The following KCNN3 variants were observed in gnomAD, a reference collection of about 807,000 sequenced individuals.
KCNN3 encodes potassium calcium-activated channel subfamily N member 3, also known as small conductance calcium-activated potassium channel protein 3.
A neutral mutation model predicts 62.9 loss-of-function variants in KCNN3; 16 were observed. The observed-to-expected ratio is 0.25, with a 90% CI of 0.17 to 0.39. The LOEUF is 0.39. Among genes scored for constraint, KCNN3 ranks in the 10% least tolerant of loss-of-function variants. KCNN3 has a pLI of 1.00. For missense variants in KCNN3, 599 were observed against 949.4 expected, an observed-to-expected ratio of 0.63 and a Z score of 4.85; for synonymous variants, 370 against 389.2, an observed-to-expected ratio of 0.95 and a Z score of 0.58.
intron 2 of KCNN3, among the ~76,000 whole-genome samples, chr1:154,794,632 G>A (rs550044935): frequency 3.0e-4 from 45 of 152,250 alleles, no homozygotes; most frequent in Admixed American, 1.7e-3. Flanking sequence ...CTGTCTTGAG[G>A]CCCACAAGGA....
intron 2 of KCNN3, among the ~76,000 whole-genome samples, chr1:154,789,333 A>G (rs1649412697): frequency 6.6e-6 from 1 of 152,168 alleles, no homozygotes; most frequent in Admixed American, 6.5e-5. Flanking sequence ...CTCCATCTCA[A>G]GATCCTTCAT....
At chr1:154,710,343 G>A (rs1262211065) in intron 7 of KCNN3, among the ~76,000 whole-genome samples, 1 of 152,218 alleles carries the variant, frequency 6.6e-6, no homozygotes, top group Non-Finnish European at 1.5e-5. Context: ...GGACCAGTGT[G>A]AAGTGTGCTA....
At chr1:154,758,868 T>C (rs1411272245) in intron 3 of KCNN3, among the ~76,000 whole-genome samples, 4 of 152,098 alleles carry the variant, frequency 2.6e-5, no homozygotes, top group Admixed American at 2.0e-4. Context: ...AGTGCAATGG[T>C]GTGATCTCGG....
intron 7 of KCNN3, among the ~76,000 whole-genome samples, chr1:154,711,984 G>A (rs1210594270): frequency 4.4e-4 from 66 of 151,222 alleles, no homozygotes; most frequent in Non-Finnish European, 8.4e-4. Flanking sequence ...GAGACAGGGA[G>A]ACGGAGAGGA....
chr1:154,742,017 G>A (rs887584685), intron 3 of KCNN3, among the ~76,000 whole-genome samples: 4 of 152,194 alleles, frequency 2.6e-5, no homozygotes, highest in Admixed American at 6.5e-5. Flanking sequence ...CTCTCTCCTC[G>A]GAACACTGCC....
At chr1:154,842,967 G>A (rs1015616557) in intron 1 of KCNN3, among the ~76,000 whole-genome samples, 2 of 152,140 alleles carry the variant, frequency 1.3e-5, no homozygotes, top group Non-Finnish European at 2.9e-5. Flanking sequence ...ACCTCATAAA[G>A]TTGTCATACA....
chr1:154,854,085 A>C (rs1275388625), intron 1 of KCNN3, among the ~76,000 whole-genome samples: 3 of 151,648 alleles, frequency 2.0e-5, no homozygotes. Context: ...AATACAAAAA[A>C]TTAGCCAGGT....
chr1:154,772,327 T>C lies in KCNN3; in HGVS notation c.1096A>G (p.Ile366Val). ...GCGCACACCAGCATCTCCAGGCTGA[T>C]GTACAGGATGCGCTCGTAGGTCATG... ...IAMTYERILY[I>V]SLEMLVCAIH... The change falls in exon 3 of 8, where the codon ATC becomes GTC. Residue 366 changes from isoleucine to valine, a missense_variant. Ile to Val is a conservative substitution (Grantham distance 29). This residue lies in a region of KCNN3 where 288 missense variants were observed against 557.4 expected (regional missense o/e 0.52). Coordinates refer to ENST00000271915, the MANE Select transcript of KCNN3 (RefSeq NM_002249.6). This position sits in a 1 kb window ranked among gnomAD's most constrained non-coding sequence, Gnocchi z 5.6. 1 of 1,614,180 alleles carries C rather than the reference T, an allele frequency of 6.2e-7. No individual in the cohort carries two copies. The highest frequency in any genetic ancestry group is 8.5e-7 in the Non-Finnish European group (1 of 1,180,022).
chr1:154,710,997 A>C (rs1466724091), intron 7 of KCNN3, among the ~76,000 whole-genome samples: 3 of 152,230 alleles, frequency 2.0e-5, no homozygotes, highest in African/African-American at 7.2e-5. Context: ...TACTGGGTAT[A>C]TACCCAGAGG....
In KCNN3 at chr1:154,862,678, A is replaced by G. The variant is rs182760221; in HGVS notation, c.933+6354T>C. ...TCAAGAACTGACCTTGGGCCAGTCC[A>G]CAATCTCACCCTGATCCCAGGCCAA... On this transcript the variant is annotated intron_variant, in intron 1 of 7. Transcript: ENST00000271915. The surrounding 1 kb of genome is among the most constrained non-coding windows in gnomAD (Gnocchi z 4.1). Among the ~76,000 whole-genome samples the G allele has an allele frequency of 1.1e-3, 161 of 152,138 alleles. No homozygotes were observed. Among genetic ancestry groups the G allele is most frequent in the African/African-American group, 3.9e-3 (160 of 41,498 alleles).
At chr1:154,839,851 G>A (rs1651755232) in intron 1 of KCNN3, among the ~76,000 whole-genome samples, 1 of 152,190 alleles carries the variant, frequency 6.6e-6, no homozygotes, top group African/African-American at 2.4e-5. Context: ...CCACATACCA[G>A]AGCTGCTTCT....
At chr1:154,854,213 C>T (rs1035698718) in intron 1 of KCNN3, among the ~76,000 whole-genome samples, 2 of 151,684 alleles carry the variant, frequency 1.3e-5, no homozygotes, top group African/African-American at 2.4e-5. Flanking sequence ...CCAGCCTGGG[C>T]GACAGAGCAA....
intron 2 of KCNN3, among the ~76,000 whole-genome samples, chr1:154,803,472 G>A (rs936243770): frequency 3.9e-5 from 6 of 152,112 alleles, no homozygotes; most frequent in Non-Finnish European, 7.3e-5. Context: ...AAATAAACAC[G>A]TTCATCAACA....
chr1:154,731,647 G>A (rs1251525744), intron 4 of KCNN3, among the ~76,000 whole-genome samples: 2 of 152,184 alleles, frequency 1.3e-5, no homozygotes, highest in Non-Finnish European at 2.9e-5. Context: ...CAGAAAGAGG[G>A]TCTTCATCTC....
At chr1:154,757,587 C>T (rs1285234240) in intron 3 of KCNN3, among the ~76,000 whole-genome samples, 3 of 152,182 alleles carry the variant, frequency 2.0e-5, no homozygotes, top group Non-Finnish European at 2.9e-5. Context: ...GGCCATTATG[C>T]CTGGGAGCCC....
intron 3 of KCNN3, among the ~76,000 whole-genome samples, chr1:154,759,685 A>G (rs1647910108): frequency 6.6e-6 from 1 of 152,244 alleles, no homozygotes. Flanking sequence ...AGTCCTCCCC[A>G]GTTAAAGAAG....
chr1:154,858,733 T>C (rs1444286348), intron 1 of KCNN3, among the ~76,000 whole-genome samples: 1 of 148,012 alleles, frequency 6.8e-6, no homozygotes, highest in African/African-American at 2.4e-5. Context: ...ACAAGTCATG[T>C]AACTTTTTTT....
intron 1 of KCNN3, among the ~76,000 whole-genome samples, chr1:154,847,716 G>C (rs545422719): frequency 1.3e-5 from 2 of 152,266 alleles, no homozygotes; most frequent in South Asian, 2.1e-4. Flanking sequence ...AGGAGGTCTT[G>C]CCTCTCCCCA....
Position 154,702,447 on chromosome 1 carries a change from G to T in KCNN3, c.*5529C>A, listed in dbSNP as rs1699872045. 1 of 151,402 alleles carries T rather than the reference G, an allele frequency of 6.6e-6. No individual in the cohort carries two copies. Among genetic ancestry groups the T allele is most frequent in the African/African-American group, 2.4e-5 (1 of 41,240 alleles). 9.4% of individuals were successfully genotyped at this position (151,402 alleles called of 1,614,324 possible). ...TCTGATTCTGAATATAAACACTTCA[G>T]TTTCTGAGCTTGCCATGAAAATGTT... On this transcript the variant is annotated 3_prime_UTR_variant, in exon 8 of 8. Transcript: ENST00000271915.
Sources: gnomAD v4.1 joint callset for allele counts (sites outside exome capture counted in the v4.1 genomes callset) on GRCh38, gnomAD v4.1.1 for gene constraint, gnomAD v4.1.1 regional missense constraint, Gnocchi (gnomAD v3.1) non-coding constraint, MANE v1.5 for transcripts, NCBI Gene and HGNC (gene_info 2026-07-23, HGNC 2026-07-21) for gene names.